Variants in FGF12 observed in about 807,000 individuals in gnomAD.
The protein encoded by FGF12 is fibroblast growth factor 12.
Under a neutral mutation model 23.6 loss-of-function variants are expected in FGF12, and 14 were observed. The ratio of observed to expected loss-of-function variants is 0.59; its 90% CI spans 0.39 to 0.93. The LOEUF (loss-of-function observed/expected upper bound fraction) is 0.93. FGF12 is among the 40% of genes least tolerant of loss of function. The pLI is 0.00. For synonymous variants in FGF12, 62 were observed against 77.3 expected (o/e 0.80, Z 1.04); for missense variants, 175 against 217.8 (o/e 0.80, Z 1.24).
intron 2 of FGF12, among the ~76,000 whole-genome samples, chr3:192,432,768 G>A (rs184299479): frequency 2.6e-5 from 4 of 152,274 alleles, no homozygotes; most frequent in African/African-American, 7.2e-5. Context: ...CCAACAGCAC[G>A]GCAAACACTT....
chr3:192,493,691 C>T (rs1250492901), intron 2 of FGF12, among the ~76,000 whole-genome samples: 3 of 152,082 alleles, frequency 2.0e-5, no homozygotes, highest in African/African-American at 4.8e-5. Context: ...GTAATTCACA[C>T]GGCCAGACCA....
At chr3:192,231,678 G>A (rs1205381689) in intron 4 of FGF12, among the ~76,000 whole-genome samples, 1 of 152,000 alleles carries the variant, frequency 6.6e-6, no homozygotes, top group Admixed American at 6.6e-5. Flanking sequence ...GCTGAGGCAG[G>A]AGAATCGCTT....
At chr3:192,684,931 T>C (rs1477882305) in intron 2 of FGF12, among the ~76,000 whole-genome samples, 8 of 152,192 alleles carry the variant, frequency 5.3e-5, no homozygotes, top group African/African-American at 1.9e-4. Flanking sequence ...AAATGTCAAC[T>C]CCCCTATTTA....
At chr3:192,374,131 T>G (rs1046160116) in intron 2 of FGF12, among the ~76,000 whole-genome samples, 1 of 152,244 alleles carries the variant, frequency 6.6e-6, no homozygotes, top group Non-Finnish European at 1.5e-5. Context: ...GCATTTTGTT[T>G]AGGTGTTACA....
At chr3:192,319,190 T>C (rs941078239) in intron 4 of FGF12, among the ~76,000 whole-genome samples, 1 of 152,106 alleles carries the variant, frequency 6.6e-6, no homozygotes, top group East Asian at 1.9e-4. Context: ...GGGCAAAAAA[T>C]TCACTGGTAA....
intron 4 of FGF12, among the ~76,000 whole-genome samples, chr3:192,327,300 T>C (rs1398030723): frequency 1.3e-5 from 2 of 152,184 alleles, no homozygotes; most frequent in African/African-American, 4.8e-5. Context: ...TTACAGCTAC[T>C]CTGATAAGAA....
At chr3:192,357,255 G>A (rs748848136) in intron 3 of FGF12, among the ~76,000 whole-genome samples, 14 of 152,080 alleles carry the variant, frequency 9.2e-5, no homozygotes, top group Non-Finnish European at 1.6e-4. Context: ...AGGCCGAGGC[G>A]GGTGGATCAC....
intron 2 of FGF12, among the ~76,000 whole-genome samples, chr3:192,707,744 C>CAAAAAA (rs780175053): frequency 0.076 from 6,398 of 84,644 alleles, 990 homozygotes; most frequent in East Asian, 0.33. Flanking sequence ...GACTCCTTCT[C>CAAAAAA]AAAAAAAAAA....
intron 2 of FGF12, among the ~76,000 whole-genome samples, chr3:192,436,788 G>A (rs927423964): frequency 6.6e-6 from 1 of 152,298 alleles, no homozygotes. Context: ...GGCATTCCCA[G>A]AAAAAACTAG....
chr3:192,721,076 T>C (rs963214632), intron 2 of FGF12, among the ~76,000 whole-genome samples: 3 of 152,190 alleles, frequency 2.0e-5, no homozygotes. Context: ...AAGAAATCCC[T>C]TTTGGTAAAG....
At chr3:192,450,546 CCA>C (rs1722493867) in intron 2 of FGF12, among the ~76,000 whole-genome samples, 1 of 152,142 alleles carries the variant, frequency 6.6e-6, no homozygotes, top group South Asian at 2.1e-4. Flanking sequence ...ATTACAATGA[CCA>C]CAGTGTTATC....
chr3:192,280,702 C>T (rs1283069370), intron 4 of FGF12, among the ~76,000 whole-genome samples: 4 of 152,034 alleles, frequency 2.6e-5, no homozygotes, highest in Non-Finnish European at 4.4e-5. Flanking sequence ...GAAAGAGTAA[C>T]TTGCCAAAGT....
chr3:192,711,352 C>T (rs79625869), intron 2 of FGF12, among the ~76,000 whole-genome samples: 8,727 of 151,816 alleles, frequency 0.057, 450 homozygotes, highest in East Asian at 0.19. Flanking sequence ...GCCCAGCCGC[C>T]GTCCCGTCCG....
intron 4 of FGF12, among the ~76,000 whole-genome samples, chr3:192,256,653 T>A (rs1175053184): frequency 6.6e-6 from 1 of 152,146 alleles, no homozygotes; most frequent in Non-Finnish European, 1.5e-5. Flanking sequence ...TTTGAGCCAT[T>A]TTAATTAGAC....
intron 2 of FGF12, among the ~76,000 whole-genome samples, chr3:192,400,309 G>C (rs904828494): frequency 6.6e-6 from 1 of 151,902 alleles, no homozygotes; most frequent in Non-Finnish European, 1.5e-5. Flanking sequence ...TTATATATAT[G>C]GGTATTGTAA....
chr3:192,156,782 G>A (rs1577182833), intron 5 of FGF12, among the ~76,000 whole-genome samples: 2 of 152,052 alleles, frequency 1.3e-5, no homozygotes, highest in Admixed American at 6.5e-5. Context: ...TAATAGTTTT[G>A]GACAAATGGT....
intron 2 of FGF12, chr3:192,673,145 G>C (rs139652543): frequency 6.6e-6 from 1 of 150,806 alleles, no homozygotes; most frequent in African/African-American, 2.4e-5. Flanking sequence ...AGCAAATCCA[G>C]GTGATCTAAC....
At position 192,360,387 on chromosome 3, in the gene FGF12, T is replaced by A. The variant is rs759016776; in HGVS notation, c.124+41A>T. On this transcript the variant is annotated intron_variant, in intron 3 of 5. Coordinates refer to ENST00000445105, the MANE Select transcript of FGF12 (RefSeq NM_004113.6). The surrounding 1 kb of genome is among the most constrained non-coding windows in gnomAD (Gnocchi z 4.3). ...AGTATAAGATACACTGGGCCCTACA[T>A]TTGATTTGTAATCAGATTGTAAGAA... is the stretch of plus-strand genomic sequence containing the variant. The A allele has an allele frequency of 6.5e-6, 9 of 1,394,416 alleles. No individual in the cohort carries two copies. The Admixed American group carries it at 1.0e-4, about 16-fold the overall frequency. The allele number at this position is 1,394,416 out of a possible 1,614,324, so 86.4% of individuals were successfully genotyped here.
At chr3:192,371,982 A>C (rs1189972795) in intron 2 of FGF12, among the ~76,000 whole-genome samples, 1 of 152,224 alleles carries the variant, frequency 6.6e-6, no homozygotes, top group East Asian at 1.9e-4. Context: ...AATAAAAAGC[A>C]AACACTAAAC....
Sources: gnomAD v4.1 joint callset for allele counts (sites outside exome capture counted in the v4.1 genomes callset) on GRCh38, gnomAD v4.1.1 for gene constraint, Gnocchi (gnomAD v3.1) non-coding constraint, MANE v1.5 for transcripts, NCBI Gene and HGNC (gene_info 2026-07-23, HGNC 2026-07-21) for gene names.